PHLPP1: variants seen among roughly 807,000 people sequenced by gnomAD.
PHLPP1 encodes PH domain leucine-rich repeat-containing protein phosphatase 1.
In PHLPP1, 42 loss-of-function variants were observed where a neutral mutation model predicts 117.2. The observed-to-expected ratio is 0.36, with a 90% confidence interval of 0.28 to 0.46. The LOEUF (loss-of-function observed/expected upper bound fraction) is 0.46. Ranked by LOEUF, PHLPP1 falls within the 20% of genes least tolerant of loss-of-function variation. The pLI, the probability that PHLPP1 is intolerant of heterozygous loss-of-function variation, is 1.00. For synonymous variants in PHLPP1, 1,042 were observed against 970.7 expected (o/e 1.07, Z -1.37); for missense variants, 2,084 against 2,241.9 (o/e 0.93, Z 1.42).
intron 1 of PHLPP1, among the ~76,000 whole-genome samples, chr18:62,755,841 T>C (rs1467189008): frequency 6.6e-6 from 1 of 152,204 alleles, no homozygotes; most frequent in African/African-American, 2.4e-5. Flanking sequence ...GCAGTTTCTA[T>C]TGGGGGTTTC....
rs779924561 is a variant in PHLPP1, at chr18:62,715,760, C to A, written c.77C>A (p.Ala26Asp). The change falls in exon 1 of 17, where the codon GCC becomes GAC. Residue 26 changes from alanine to aspartate, a missense_variant. By Grantham distance (126) the Ala-to-Asp change is moderately radical. Around this residue, in one of 2 missense-constraint regions of PHLPP1, gnomAD observed 719 missense variants for 636.0 expected, o/e 1.13. Transcript: ENST00000262719. ...GAGGACCGAGCTTCGGCTCCGGCGGCCGCCGCTGCGGCAGCAGCAGCAGCA... is the reference window on the plus strand; with the variant it reads ...GAGGACCGAGCTTCGGCTCCGGCGGACGCCGCTGCGGCAGCAGCAGCAGCA... ...GREDRASAPA[A>D]AAAAAAAAAA... 294 of 1,096,308 alleles carry A rather than the reference C, an allele frequency of 2.7e-4. 2 individuals are homozygous for A. The African/African-American group carries it at 4.3e-3, about 16-fold the overall frequency. 67.9% of individuals were successfully genotyped at this position (1,096,308 alleles called of 1,614,324 possible).
chr18:62,744,139 C>CT (rs1219808744), intron 1 of PHLPP1, among the ~76,000 whole-genome samples: 1 of 152,212 alleles, frequency 6.6e-6, no homozygotes, highest in Admixed American at 6.5e-5. Flanking sequence ...AAGATTTCTT[C>CT]TTTTTTTAAA....
chr18:62,938,046 G>T lies in PHLPP1; in HGVS notation c.2961-3672G>T, dbSNP rs554150044. On this transcript the variant is annotated intron_variant, in intron 10 of 16. Transcript: ENST00000262719. ...AAAGAAGAAGGAAGAAAGGTCTGTG[G>T]TGTCTGTGGAATCTACAAAGTACCT... 2.6e-5 allele frequency among the ~76,000 whole-genome samples: 4 copies of T among 152,080 alleles called. No homozygotes were observed. In the South Asian group the frequency reaches 8.3e-4, roughly 32 times the overall value.
intron 1 of PHLPP1, among the ~76,000 whole-genome samples, chr18:62,771,047 A>G (rs1297733059): frequency 1.3e-5 from 2 of 151,882 alleles, no homozygotes; most frequent in African/African-American, 4.8e-5. Flanking sequence ...AAACCTATCT[A>G]TACTAAAAAT....
At chr18:62,748,410 A>G (rs1013949089) in intron 1 of PHLPP1, among the ~76,000 whole-genome samples, 4 of 151,868 alleles carry the variant, frequency 2.6e-5, no homozygotes, top group African/African-American at 9.7e-5. Flanking sequence ...ACACTCGGCT[A>G]ATTTTTTTAG....
intron 1 of PHLPP1, among the ~76,000 whole-genome samples, chr18:62,808,261 C>CATCT (rs1030858196): frequency 4.2e-4 from 64 of 152,068 alleles, no homozygotes; most frequent in African/African-American, 1.4e-3. Context: ...GAGTAGTGGA[C>CATCT]AGATGACCAT....
At chr18:62,803,733 T>G (rs913091105) in intron 1 of PHLPP1, among the ~76,000 whole-genome samples, 7 of 152,240 alleles carry the variant, frequency 4.6e-5, no homozygotes, top group African/African-American at 1.7e-4. Context: ...GGATAAGTTA[T>G]AGGGTATTTA....
rs534098112 is a variant in PHLPP1, at chr18:62,835,487, C to T, written c.1774-3297C>T. ...TGCTGGGATTACAGGTGTGAGCCAC[C>T]GCACCTGGCTCCTTATCAATGATCT... On this transcript the variant is annotated intron_variant, in intron 2 of 16. Transcript: ENST00000262719. Among the ~76,000 whole-genome samples, 17 of 152,100 alleles carry T rather than the reference C, an allele frequency of 1.1e-4. No homozygotes were observed. In the East Asian group the frequency reaches 2.9e-3, roughly 26 times the overall value.
intron 1 of PHLPP1, among the ~76,000 whole-genome samples, chr18:62,720,188 G>A (rs1402378310): frequency 6.6e-6 from 1 of 152,054 alleles, no homozygotes; most frequent in Non-Finnish European, 1.5e-5. Flanking sequence ...AAAAATTCAA[G>A]AACTTAAGGT....
intron 9 of PHLPP1, among the ~76,000 whole-genome samples, chr18:62,916,605 G>GGTGGGTGTGTGTGTGTGTGTGTGT (rs1555681661): frequency 6.9e-6 from 1 of 145,768 alleles, no homozygotes; most frequent in African/African-American, 2.5e-5. Flanking sequence ...CAAGAGGGTG[G>GGTGGGTGTGTGTGTGTGTGTGTGT]GTGTGTGTGT....
At chr18:62,839,024 C>T in intron 3 of PHLPP1, 115 bp downstream of exon 3, 1 of 1,038,478 alleles carries the variant, frequency 9.6e-7, no homozygotes, top group South Asian at 1.8e-5. Context: ...TTTTCCTCCC[C>T]AGATACTGCC....
intron 1 of PHLPP1, among the ~76,000 whole-genome samples, chr18:62,766,076 A>AAAAATATATATATATATATATATATATAT: frequency 9.2e-5 from 2 of 21,656 alleles, no homozygotes; most frequent in Non-Finnish European, 1.7e-4. Flanking sequence ...AAAAAAAAAA[A>AAAAATATATATATATATATATATATATAT]ATATATATAT....
At chr18:62,837,750 T>C (rs1914946648) in intron 2 of PHLPP1, 1 of 151,432 alleles carries the variant, frequency 6.6e-6, no homozygotes, top group African/African-American at 2.4e-5. Context: ...AACCTCTGCC[T>C]CCTGGGTTTA....
chr18:62,954,410 T>TA (rs1910555514), intron 12 of PHLPP1, among the ~76,000 whole-genome samples: 1 of 152,250 alleles, frequency 6.6e-6, no homozygotes, highest in Non-Finnish European at 1.5e-5. Context: ...GGTCTTTTTT[T>TA]ATTCCAGTTT....
In PHLPP1 at chr18:62,881,283, T is replaced by G. The variant is rs1223464055; in HGVS notation, c.2067-13728T>G. On this transcript the variant is annotated intron_variant, in intron 4 of 16. Coordinates refer to ENST00000262719, the MANE Select transcript of PHLPP1 (RefSeq NM_194449.4). ...TAAAGGGTTTTTTTTAATTAAAGAA[T>G]TTTTCTCTTTAGGGAATACTTTAAT... Among the ~76,000 whole-genome samples, 3 of 152,094 alleles carry G rather than the reference T, an allele frequency of 2.0e-5. No individual in the cohort carries two copies. The South Asian group carries it at 6.2e-4, about 32-fold the overall frequency.
intron 12 of PHLPP1, among the ~76,000 whole-genome samples, chr18:62,952,163 T>C (rs1305109845): frequency 2.0e-5 from 3 of 151,844 alleles, no homozygotes; most frequent in Non-Finnish European, 2.9e-5. Flanking sequence ...CGGTGGCTCA[T>C]GCCTGTAATT....
At chr18:62,870,086 G>T (rs191187012) in intron 4 of PHLPP1, among the ~76,000 whole-genome samples, 7 of 152,006 alleles carry the variant, frequency 4.6e-5, no homozygotes, top group Admixed American at 3.3e-4. Context: ...AGAGACGGAG[G>T]GGGGTCTCAC....
At chr18:62,809,562 C>T (rs1468743020) in intron 1 of PHLPP1, among the ~76,000 whole-genome samples, 1 of 151,988 alleles carries the variant, frequency 6.6e-6, no homozygotes, top group Non-Finnish European at 1.5e-5. Context: ...ATTAGCTGGG[C>T]GTGGTGGTGG....
chr18:62,740,445 TA>T (rs1164812321), intron 1 of PHLPP1, among the ~76,000 whole-genome samples: 1 of 152,142 alleles, frequency 6.6e-6, no homozygotes, highest in Non-Finnish European at 1.5e-5. Flanking sequence ...AAAGTGAACA[TA>T]AAGACATGGT....
Sources: gnomAD v4.1 joint callset for allele counts (sites outside exome capture counted in the v4.1 genomes callset) on GRCh38, gnomAD v4.1.1 for gene constraint, gnomAD v4.1.1 regional missense constraint, MANE v1.5 for transcripts, NCBI Gene and HGNC (gene_info 2026-07-23, HGNC 2026-07-21) for gene names.